ARHGEF28: variants seen among roughly 807,000 people sequenced by gnomAD.
ARHGEF28 encodes the protein 190 kDa guanine nucleotide exchange factor.
A neutral mutation model predicts 206.6 loss-of-function variants in ARHGEF28; 152 were observed. That is an observed-to-expected ratio of 0.74 (90% CI 0.64 to 0.84). The LOEUF is 0.84. Among genes scored for constraint, ARHGEF28 ranks in the 40% least tolerant of loss-of-function variants. The pLI is 0.00. For synonymous variants in ARHGEF28, 763 were observed against 776.4 expected (o/e 0.98, Z 0.29); for missense variants, 2,028 against 2,073.2 (o/e 0.98, Z 0.42).
At chr5:73,910,055 A>G (rs1208175867) in intron 34 of ARHGEF28, among the ~76,000 whole-genome samples, 158 bp downstream of exon 34, 1 of 152,200 alleles carries the variant, frequency 6.6e-6, no homozygotes, top group African/African-American at 2.4e-5. Flanking sequence ...GGAAGCTTTC[A>G]GAGATAACGC....
intron 2 of ARHGEF28, among the ~76,000 whole-genome samples, chr5:73,696,045 A>T (rs550885571): frequency 1.3e-5 from 2 of 152,334 alleles, no homozygotes; most frequent in African/African-American, 4.8e-5. Flanking sequence ...TTGGCCGTGC[A>T]TCCTCTCCTG....
intron 9 of ARHGEF28, among the ~76,000 whole-genome samples, chr5:73,804,082 C>CAAAAAA (rs35722039): frequency 2.7e-3 from 175 of 64,116 alleles, no homozygotes; most frequent in African/African-American, 3.7e-3. Context: ...GAGACCCTGT[C>CAAAAAA]AAAAAAAAAA....
At chr5:73,774,223 G>A (rs945672993) in intron 5 of ARHGEF28, among the ~76,000 whole-genome samples, 185 bp downstream of exon 5, 2 of 152,124 alleles carry the variant, frequency 1.3e-5, no homozygotes, top group Non-Finnish European at 2.9e-5. Flanking sequence ...TCATGAGGGT[G>A]AGATAGGAAA....
Position 73,886,109 on chromosome 5 carries a change from T to C in ARHGEF28, c.3310+5T>C, listed in dbSNP as rs2112673313. 1.2e-6 allele frequency: 2 copies of C among 1,609,218 alleles called. No homozygotes were observed. Among genetic ancestry groups the C allele is most frequent in the Non-Finnish European group, 1.7e-6 (2 of 1,177,566 alleles). On this transcript the variant is annotated splice_donor_5th_base_variant and intron_variant, in intron 25 of 35. Transcript: ENST00000513042. The stretch of plus-strand genomic sequence containing the variant: ...CTGCTACAGGTCGTTTCAAAGGTAC[T>C]GTGGCTCTACCAGACCAATTTCTCC...
chr5:73,721,204 G>A (rs1749918231), intron 2 of ARHGEF28, among the ~76,000 whole-genome samples: 1 of 152,142 alleles, frequency 6.6e-6, no homozygotes, highest in Non-Finnish European at 1.5e-5. Flanking sequence ...GGAAGGATGG[G>A]GGCCTGGGAA....
At chr5:73,729,778 TAGAG>T (rs1466265385) in intron 2 of ARHGEF28, among the ~76,000 whole-genome samples, 1 of 152,204 alleles carries the variant, frequency 6.6e-6, no homozygotes, top group East Asian at 1.9e-4. Flanking sequence ...TTGTTAGTGT[TAGAG>T]AGTAGAACTT....
At chr5:73,629,553 T>G (rs943979938) in intron 1 of ARHGEF28, among the ~76,000 whole-genome samples, 1 of 151,534 alleles carries the variant, frequency 6.6e-6, no homozygotes, top group Non-Finnish European at 1.5e-5. Context: ...AAATAAGTCA[T>G]GTAACTTATT....
At chr5:73,641,799 T>C (rs1744125641) in intron 1 of ARHGEF28, among the ~76,000 whole-genome samples, 1 of 152,144 alleles carries the variant, frequency 6.6e-6, no homozygotes, top group Non-Finnish European at 1.5e-5. Flanking sequence ...TTTCATCAGG[T>C]ATGGAAAGAT....
intron 9 of ARHGEF28, among the ~76,000 whole-genome samples, chr5:73,821,788 C>T (rs1279751940): frequency 3.9e-5 from 6 of 151,990 alleles, no homozygotes; most frequent in South Asian, 2.1e-4. Flanking sequence ...CTAATCATGC[C>T]GAAGTCCACA....
chr5:73,857,482 T>TA (rs1369666872), intron 14 of ARHGEF28, among the ~76,000 whole-genome samples, 174 bp from the exon 15 acceptor site: 1 of 151,744 alleles, frequency 6.6e-6, no homozygotes, highest in Non-Finnish European at 1.5e-5. Flanking sequence ...ACTTATGCTA[T>TA]AGGGTGTATT....
chr5:73,865,804 A>T lies in ARHGEF28; in HGVS notation c.2104-161A>T, dbSNP rs529862406. ...CTTGCACATTTTATTGTCACATTTG[A>T]CTCTTCATTGCATTTAATGTCTTTT... On this transcript the variant is annotated intron_variant, in intron 17 of 35. Transcript: ENST00000513042. 3.2e-4 allele frequency among the ~76,000 whole-genome samples: 49 copies of T among 152,108 alleles called. No individual in the cohort carries two copies. The East Asian group carries it at 9.3e-3, about 29-fold the overall frequency.
At chr5:73,694,839 C>G (rs998529797) in intron 2 of ARHGEF28, among the ~76,000 whole-genome samples, 1 of 152,248 alleles carries the variant, frequency 6.6e-6, no homozygotes, top group Non-Finnish European at 1.5e-5. Context: ...TAGTGCCATG[C>G]ACTGTAAGAG....
At chr5:73,858,053 C>T in intron 15 of ARHGEF28, 34 bp from the exon 16 acceptor site, 1 of 1,566,480 alleles carries the variant, frequency 6.4e-7, no homozygotes, top group Non-Finnish European at 8.6e-7. Context: ...TCTCATTTTT[C>T]CCCACTTTCC....
chr5:73,795,731 C>T (rs773827252), intron 9 of ARHGEF28, among the ~76,000 whole-genome samples: 44 of 152,302 alleles, frequency 2.9e-4, no homozygotes, highest in South Asian at 6.2e-4. Flanking sequence ...AGTTGAAGCA[C>T]TGGTGGAGAG....
intron 35 of ARHGEF28, among the ~76,000 whole-genome samples, chr5:73,931,813 T>C (rs1764137591): frequency 6.6e-6 from 1 of 152,240 alleles, no homozygotes; most frequent in South Asian, 2.1e-4. Context: ...TTTAGACTCC[T>C]GCTTTCCTAT....
In ARHGEF28 at chr5:73,776,510, T is replaced by C; in HGVS notation, c.660-6T>C. 1 of 1,608,166 alleles carries C rather than the reference T, an allele frequency of 6.2e-7. No individual in the cohort carries two copies. The highest frequency in any genetic ancestry group is 1.1e-5 in the South Asian group (1 of 90,210). On this transcript the variant is annotated splice_region_variant and splice_polypyrimidine_tract_variant and intron_variant, in intron 5 of 35. Transcript: ENST00000513042. ...TCTGTGTGGGTTTTGATTTGTGTTG[T>C]TTCAGTTTTCAGGGCAGATGGTCCC...
chr5:73,678,323 G>A (rs1746828664), intron 1 of ARHGEF28, among the ~76,000 whole-genome samples: 1 of 152,010 alleles, frequency 6.6e-6, no homozygotes, highest in Non-Finnish European at 1.5e-5. Context: ...TGGTTGCTCT[G>A]AAAAACAAAA....
intron 5 of ARHGEF28, among the ~76,000 whole-genome samples, chr5:73,776,170 G>A (rs1753529425): frequency 6.6e-6 from 1 of 152,134 alleles, no homozygotes; most frequent in Admixed American, 6.5e-5. Flanking sequence ...TCTACTACAG[G>A]TAGCCCCATT....
intron 20 of ARHGEF28, among the ~76,000 whole-genome samples, chr5:73,869,044 G>A (rs1048553664): frequency 6.6e-6 from 1 of 152,120 alleles, no homozygotes; most frequent in Non-Finnish European, 1.5e-5. Flanking sequence ...AAAACCAAAT[G>A]GAAGGAGAGT....
Sources: gnomAD v4.1 joint callset for allele counts (sites outside exome capture counted in the v4.1 genomes callset) on GRCh38, gnomAD v4.1.1 for gene constraint, MANE v1.5 for transcripts, NCBI Gene and HGNC (gene_info 2026-07-23, HGNC 2026-07-21) for gene names.